The following LRMDA variants were observed in gnomAD, a reference collection of about 807,000 sequenced individuals.
LRMDA encodes the protein leucine rich melanocyte differentiation associated, also known as leucine-rich melanocyte differentiation-associated protein.
A neutral mutation model predicts 29.8 loss-of-function variants in LRMDA; 18 were observed. The observed-to-expected ratio is 0.60, with a 90% CI of 0.42 to 0.90. The LOEUF is 0.90. Among genes scored for constraint, LRMDA ranks in the 40% least tolerant of loss-of-function variants. The pLI, the probability that LRMDA is intolerant of heterozygous loss-of-function variation, is 0.00. For missense variants in LRMDA, 273 were observed against 273.9 expected (o/e 1.00, Z 0.02); for synonymous variants, 125 against 109.4 (o/e 1.14, Z -0.89).
chr10:76,283,941 C>G (rs1840238562), intron 5 of LRMDA, among the ~76,000 whole-genome samples: 1 of 152,210 alleles, frequency 6.6e-6, no homozygotes, highest in Non-Finnish European at 1.5e-5. Flanking sequence ...GTTGGGACTA[C>G]AGGCATGCAC....
intron 5 of LRMDA, among the ~76,000 whole-genome samples, chr10:76,169,396 G>GCCATCT (rs1380210131): frequency 1.3e-5 from 2 of 152,120 alleles, no homozygotes; most frequent in African/African-American, 4.8e-5. Context: ...CCTCACAGAT[G>GCCATCT]GCAGTGCCTT....
At chr10:75,790,292 G>A (rs1310798023) in intron 2 of LRMDA, among the ~76,000 whole-genome samples, 2 of 152,196 alleles carry the variant, frequency 1.3e-5, no homozygotes, top group Admixed American at 1.3e-4. Flanking sequence ...ATGTCTCTGG[G>A]TGGAGGGCAG....
chr10:76,482,162 C>T (rs1188718202), intron 6 of LRMDA, among the ~76,000 whole-genome samples: 1 of 151,964 alleles, frequency 6.6e-6, no homozygotes, highest in Non-Finnish European at 1.5e-5. Context: ...GCTCTTCTCT[C>T]TTGCCACCCA....
chr10:76,318,144 C>T (rs906084855), intron 5 of LRMDA, among the ~76,000 whole-genome samples: 4 of 152,192 alleles, frequency 2.6e-5, no homozygotes, highest in Non-Finnish European at 4.4e-5. Flanking sequence ...GGAACCACTG[C>T]TCTAGATGAT....
At chr10:76,053,917 C>T (rs987974943) in intron 4 of LRMDA, among the ~76,000 whole-genome samples, 2 of 152,206 alleles carry the variant, frequency 1.3e-5, no homozygotes, top group South Asian at 4.1e-4. Flanking sequence ...AGGCCCAGTT[C>T]CAGAAATACT....
intron 2 of LRMDA, among the ~76,000 whole-genome samples, chr10:75,728,445 T>G (rs1229852201): frequency 6.6e-6 from 1 of 151,152 alleles, no homozygotes; most frequent in African/African-American, 2.4e-5. Context: ...TGTGTGTGTG[T>G]GTGTGTGTGT....
intron 5 of LRMDA, among the ~76,000 whole-genome samples, chr10:76,196,985 A>G (rs1189106482): frequency 6.6e-6 from 1 of 152,200 alleles, no homozygotes; most frequent in Non-Finnish European, 1.5e-5. Flanking sequence ...TTTAATATCC[A>G]GTCAGCTGTA....
chr10:75,756,278 A>G (rs117553504), intron 2 of LRMDA, among the ~76,000 whole-genome samples: 2 of 152,354 alleles, frequency 1.3e-5, no homozygotes, highest in East Asian at 3.9e-4. Flanking sequence ...GGACTTCCAG[A>G]AAGTCTTCTT....
At chr10:75,792,131 C>A (rs939014458) in intron 2 of LRMDA, among the ~76,000 whole-genome samples, 3 of 152,008 alleles carry the variant, frequency 2.0e-5, no homozygotes, top group East Asian at 3.9e-4. Context: ...GTGCTGCGGG[C>A]GTGAGCCACC....
intron 2 of LRMDA, among the ~76,000 whole-genome samples, chr10:76,034,576 A>G (rs1251617313): frequency 2.6e-5 from 4 of 152,028 alleles, no homozygotes; most frequent in African/African-American, 9.7e-5. Context: ...TACTTACAAC[A>G]CATTTTTATA....
chr10:75,560,393 G>A (rs916152839), intron 2 of LRMDA, among the ~76,000 whole-genome samples: 3 of 150,626 alleles, frequency 2.0e-5, no homozygotes, highest in African/African-American at 7.3e-5. Flanking sequence ...TGTATCCTGA[G>A]ACTTTGCTGA....
chr10:76,281,859 T>C (rs953107785), intron 5 of LRMDA, among the ~76,000 whole-genome samples: 5 of 152,168 alleles, frequency 3.3e-5, no homozygotes, highest in Admixed American at 3.3e-4. Flanking sequence ...GGTCTTGGCC[T>C]GTTATTGTCT....
At chr10:76,183,641 T>C (rs1161390665) in intron 5 of LRMDA, among the ~76,000 whole-genome samples, 4 of 152,352 alleles carry the variant, frequency 2.6e-5, no homozygotes, top group Non-Finnish European at 1.5e-5. Flanking sequence ...AAGATCCATG[T>C]GGGTACAGAA....
intron 6 of LRMDA, among the ~76,000 whole-genome samples, chr10:76,519,772 G>A (rs2132359978): frequency 6.6e-6 from 1 of 152,126 alleles, no homozygotes; most frequent in East Asian, 1.9e-4. Flanking sequence ...TGCTCAATGA[G>A]TTTATTGACT....
chr10:75,921,474 G>A (rs901614403), intron 2 of LRMDA, among the ~76,000 whole-genome samples: 3 of 152,198 alleles, frequency 2.0e-5, no homozygotes, highest in African/African-American at 7.2e-5. Context: ...GGAAGCTCAT[G>A]CTGTGAAATA....
At chr10:76,086,957 G>A (rs1279422046) in intron 5 of LRMDA, among the ~76,000 whole-genome samples, 2 of 152,208 alleles carry the variant, frequency 1.3e-5, no homozygotes, top group Admixed American at 6.5e-5. Context: ...GCCAGGGACC[G>A]GAGGCTTTGC....
intron 6 of LRMDA, among the ~76,000 whole-genome samples, chr10:76,339,076 A>G (rs1841005133): frequency 6.6e-6 from 1 of 152,176 alleles, no homozygotes; most frequent in South Asian, 2.1e-4. Flanking sequence ...TGGACTTTTT[A>G]CAATACCTTC....
intron 2 of LRMDA, among the ~76,000 whole-genome samples, chr10:75,509,408 T>G (rs1845202736): frequency 6.6e-6 from 1 of 152,116 alleles, no homozygotes; most frequent in Admixed American, 6.5e-5. Flanking sequence ...CAGCATGTTT[T>G]TGTATGATGT....
At chr10:75,907,503 C>A (rs1293929356) in intron 2 of LRMDA, among the ~76,000 whole-genome samples, 3 of 152,206 alleles carry the variant, frequency 2.0e-5, no homozygotes, top group Non-Finnish European at 4.4e-5. Flanking sequence ...ACTGTGGCTT[C>A]ATTTCACTCA....
Sources: gnomAD v4.1 joint callset for allele counts (sites outside exome capture counted in the v4.1 genomes callset) on GRCh38, gnomAD v4.1.1 for gene constraint, MANE v1.5 for transcripts, NCBI Gene and HGNC (gene_info 2026-07-23, HGNC 2026-07-21) for gene names.